The following UTRN variants were observed in gnomAD, a reference collection of about 807,000 sequenced individuals.
UTRN encodes the protein dystrophin-related protein 1.
A neutral mutation model predicts 463.9 loss-of-function variants in UTRN; 283 were observed. The ratio of observed to expected loss-of-function variants is 0.61; its 90% CI spans 0.55 to 0.67. The LOEUF (loss-of-function observed/expected upper bound fraction) is 0.67, where lower values mean the gene tolerates loss of function less well. UTRN is among the 30% of genes least tolerant of loss of function. The pLI is 0.00. For synonymous variants in UTRN, 1,442 were observed against 1,431.5 expected, an observed-to-expected ratio of 1.01 and a Z score of -0.17; for missense variants, 3,922 against 4,084.3, an observed-to-expected ratio of 0.96 and a Z score of 1.08.
chr6:144,549,792 G>A (rs1437033060), intron 47 of UTRN, among the ~76,000 whole-genome samples: 2 of 152,186 alleles, frequency 1.3e-5, no homozygotes, highest in Non-Finnish European at 2.9e-5. Flanking sequence ...GGACAGTAGG[G>A]CCAACATTTG....
chr6:144,501,959 T>C (rs993362490), intron 34 of UTRN, among the ~76,000 whole-genome samples: 9 of 152,210 alleles, frequency 5.9e-5, no homozygotes, highest in Non-Finnish European at 1.3e-4. Context: ...CGCTTTTTAC[T>C]CTAATTCTGA....
At chr6:144,432,039 G>A (rs1178590537) in intron 9 of UTRN, among the ~76,000 whole-genome samples, 1 of 151,996 alleles carries the variant, frequency 6.6e-6, no homozygotes, top group Non-Finnish European at 1.5e-5. Context: ...CAACATGAAG[G>A]TTTGTTACAT....
chr6:144,540,947 C>A (rs1797928636), intron 45 of UTRN, among the ~76,000 whole-genome samples: 1 of 152,132 alleles, frequency 6.6e-6, no homozygotes, highest in African/African-American at 2.4e-5. Flanking sequence ...TTTCTTAGGT[C>A]AAAAAATATC....
chr6:144,719,869 G>A (rs1169886913), intron 53 of UTRN, among the ~76,000 whole-genome samples: 1 of 152,196 alleles, frequency 6.6e-6, no homozygotes, highest in East Asian at 1.9e-4. Context: ...TAAGAAAAGT[G>A]CATGTTAGCA....
intron 69 of UTRN, among the ~76,000 whole-genome samples, chr6:144,833,163 A>G (rs1017900492): frequency 6.6e-6 from 1 of 152,096 alleles, no homozygotes. Flanking sequence ...GTTTACCTCT[A>G]TTTTTATCGT....
chr6:144,771,168 T>C (rs1793959130), intron 58 of UTRN, among the ~76,000 whole-genome samples: 1 of 152,154 alleles, frequency 6.6e-6, no homozygotes, highest in Non-Finnish European at 1.5e-5. Flanking sequence ...TTCATGACAG[T>C]CACATTTTAT....
intron 53 of UTRN, among the ~76,000 whole-genome samples, chr6:144,710,900 G>A (rs1283427597): frequency 6.6e-6 from 1 of 152,156 alleles, no homozygotes; most frequent in African/African-American, 2.4e-5. Flanking sequence ...TATAGTCTTT[G>A]CAAGTATCAG....
chr6:144,794,270 A>G (rs975606648), intron 63 of UTRN, among the ~76,000 whole-genome samples: 1 of 151,902 alleles, frequency 6.6e-6, no homozygotes, highest in Non-Finnish European at 1.5e-5. Flanking sequence ...ATCTCCTACC[A>G]TTCCTCTCCT....
At chr6:144,610,226 CA>C (rs1308341922) in intron 51 of UTRN, among the ~76,000 whole-genome samples, 1 of 138,478 alleles carries the variant, frequency 7.2e-6, no homozygotes, top group Non-Finnish European at 1.6e-5. Flanking sequence ...AAGTAAATAT[CA>C]GAAATGAAAA....
chr6:144,459,549 C>T (rs907244724), intron 21 of UTRN, among the ~76,000 whole-genome samples, 195 bp downstream of exon 21: 4 of 152,076 alleles, frequency 2.6e-5, no homozygotes, highest in African/African-American at 7.2e-5. Flanking sequence ...TGTAAACATA[C>T]AAGCAAGTTT....
At chr6:144,778,758 A>G (rs1775564091) in intron 60 of UTRN, among the ~76,000 whole-genome samples, 1 of 152,168 alleles carries the variant, frequency 6.6e-6, no homozygotes, top group Non-Finnish European at 1.5e-5. Context: ...TTTCTATTCC[A>G]TCCCCTGTGC....
chr6:144,376,297 A>G (rs1780455998), intron 2 of UTRN, among the ~76,000 whole-genome samples: 1 of 152,072 alleles, frequency 6.6e-6, no homozygotes, highest in South Asian at 2.1e-4. Flanking sequence ...TCTACTAAAA[A>G]TATAACAATT....
intron 2 of UTRN, among the ~76,000 whole-genome samples, chr6:144,310,363 C>T (rs574015341): frequency 1.3e-5 from 2 of 151,972 alleles, no homozygotes; most frequent in Admixed American, 1.3e-4. Context: ...ATGGAGCAAC[C>T]CTGTCTCTAC....
rs768166407 is a variant in UTRN at position 144,458,940 on chromosome 6, G to A, written c.2455G>A (p.Glu819Lys). The A allele has an allele frequency of 4.3e-6, 7 of 1,613,780 alleles. No homozygotes were observed. In the South Asian group the frequency reaches 5.5e-5, roughly 13 times the overall value. Residue 819 changes from glutamate (E) to lysine (K), a missense_variant, in exon 20 of 75, where the codon GAG becomes AAG. Coordinates refer to ENST00000367545, the MANE Select transcript of UTRN (RefSeq NM_007124.3). ...ELEKVIKTKE[E>K]WVKHTSISES... ...TGAAAAGGTCATCAAGACAAAGGAG[G>A]AGTGGGTAAAACACACTTCCATTTC...
chr6:144,564,959 T>G (rs1446977613), intron 50 of UTRN, among the ~76,000 whole-genome samples: 1 of 152,200 alleles, frequency 6.6e-6, no homozygotes, highest in Non-Finnish European at 1.5e-5. Flanking sequence ...TATTAAAATT[T>G]AATCTCTCTG....
chr6:144,481,989 C>A (rs1791930896), intron 26 of UTRN, among the ~76,000 whole-genome samples: 1 of 152,082 alleles, frequency 6.6e-6, no homozygotes, highest in Non-Finnish European at 1.5e-5. Context: ...AACTGGGAGG[C>A]AGAGGTTGTA....
chr6:144,409,870 A>G (rs1393893432), intron 3 of UTRN, among the ~76,000 whole-genome samples: 2 of 152,226 alleles, frequency 1.3e-5, no homozygotes, highest in African/African-American at 4.8e-5. Context: ...ACAATTTACA[A>G]TTAAGTGTGC....
intron 51 of UTRN, among the ~76,000 whole-genome samples, chr6:144,577,499 G>T (rs888401055): frequency 6.6e-6 from 1 of 152,114 alleles, no homozygotes; most frequent in Non-Finnish European, 1.5e-5. Flanking sequence ...CTTGTTTTAT[G>T]GAAGTAATAA....
intron 2 of UTRN, among the ~76,000 whole-genome samples, chr6:144,339,343 G>A (rs186475902): frequency 6.6e-6 from 1 of 152,170 alleles, no homozygotes; most frequent in Non-Finnish European, 1.5e-5. Context: ...GATGCATCTT[G>A]AATTTTTGAA....
Sources: allele counts gnomAD v4.1 joint callset (sites outside exome capture counted in the v4.1 genomes callset), GRCh38; gene constraint gnomAD v4.1.1; transcripts MANE v1.5; gene names NCBI Gene and HGNC (gene_info 2026-07-23, HGNC 2026-07-21).